The following PRKCA variants were observed in gnomAD, a reference collection of about 807,000 sequenced individuals.
PRKCA encodes protein kinase C alpha type.
In PRKCA, 27 loss-of-function variants were observed where a neutral mutation model predicts 87.0. The ratio of observed to expected loss-of-function variants is 0.31; its 90% CI spans 0.23 to 0.43. The LOEUF (loss-of-function observed/expected upper bound fraction) is 0.43, where lower values mean the gene tolerates loss of function less well. Among genes scored for constraint, PRKCA ranks in the 20% least tolerant of loss-of-function variants. The probability of loss-of-function intolerance (pLI) is 1.00; values close to 1 mark genes in which losing one functional copy is unlikely to be tolerated. For missense variants in PRKCA, 518 were observed against 852.3 expected (o/e 0.61, Z 4.88); for synonymous variants, 329 against 311.1 (o/e 1.06, Z -0.61).
At chr17:66,391,165 G>A (rs1419201270) in intron 2 of PRKCA, among the ~76,000 whole-genome samples, 2 of 152,278 alleles carry the variant, frequency 1.3e-5, no homozygotes, top group South Asian at 4.2e-4. Flanking sequence ...AGCAGCGGGT[G>A]GGAGGAGAAG....
intron 2 of PRKCA, among the ~76,000 whole-genome samples, chr17:66,423,326 A>G (rs572169725): frequency 1.3e-5 from 2 of 152,300 alleles, no homozygotes; most frequent in South Asian, 4.1e-4. Flanking sequence ...TATGCACCAT[A>G]GTGAAAAGTT....
At chr17:66,678,654 C>T (rs926478855) in intron 5 of PRKCA, among the ~76,000 whole-genome samples, 1 of 147,882 alleles carries the variant, frequency 6.8e-6, no homozygotes, top group African/African-American at 2.6e-5. Flanking sequence ...GCTAAACAGT[C>T]CTTGTTGACT....
At chr17:66,414,100 T>C (rs1911982767) in intron 2 of PRKCA, among the ~76,000 whole-genome samples, 1 of 152,098 alleles carries the variant, frequency 6.6e-6, no homozygotes, top group African/African-American at 2.4e-5. Flanking sequence ...TATAAGGGTT[T>C]CAGGAGCTCT....
At chr17:66,447,981 G>A (rs767776373) in intron 2 of PRKCA, among the ~76,000 whole-genome samples, 39 of 152,212 alleles carry the variant, frequency 2.6e-4, no homozygotes, top group South Asian at 6.2e-4. Context: ...TGCTTCTGTC[G>A]GGCAGTGGGT....
chr17:66,759,868 C>A (rs1974642548), intron 13 of PRKCA, among the ~76,000 whole-genome samples: 1 of 152,100 alleles, frequency 6.6e-6, no homozygotes, highest in African/African-American at 2.4e-5. Flanking sequence ...GTCAAGTCTC[C>A]AAGAAAACAT....
intron 14 of PRKCA, among the ~76,000 whole-genome samples, chr17:66,786,036 G>A (rs900250669): frequency 6.6e-6 from 1 of 152,132 alleles, no homozygotes. Context: ...CACCATGTTA[G>A]CCAGGATGGT....
At chr17:66,675,207 A>G (rs1972293946) in intron 5 of PRKCA, among the ~76,000 whole-genome samples, 1 of 152,174 alleles carries the variant, frequency 6.6e-6, no homozygotes, top group Non-Finnish European at 1.5e-5. Context: ...GAGAGGGCCC[A>G]TTTGCCGACA....
chr17:66,590,280 A>G (rs977983270), intron 3 of PRKCA, among the ~76,000 whole-genome samples: 26 of 152,172 alleles, frequency 1.7e-4, no homozygotes, highest in Non-Finnish European at 3.1e-4. Context: ...TCTGAATGAT[A>G]TAACATGATT....
intron 8 of PRKCA, among the ~76,000 whole-genome samples, chr17:66,728,565 T>C (rs1002583407): frequency 2.0e-5 from 3 of 152,218 alleles, no homozygotes; most frequent in African/African-American, 7.2e-5. Flanking sequence ...CAGAAGTACT[T>C]GAATGTAAAA....
intron 2 of PRKCA, among the ~76,000 whole-genome samples, chr17:66,340,864 C>T (rs767174528): frequency 2.2e-4 from 34 of 152,090 alleles, no homozygotes; most frequent in Non-Finnish European, 4.4e-4. Flanking sequence ...CAGTTGAAGT[C>T]CTGTGGGCCC....
intron 3 of PRKCA, among the ~76,000 whole-genome samples, chr17:66,639,863 C>T (rs889066910): frequency 2.0e-5 from 3 of 152,006 alleles, no homozygotes; most frequent in African/African-American, 7.2e-5. Flanking sequence ...GGTGTGGTGG[C>T]AGGCACTTGT....
intron 14 of PRKCA, among the ~76,000 whole-genome samples, chr17:66,784,355 C>T (rs1046785689): frequency 2.0e-5 from 3 of 152,234 alleles, no homozygotes; most frequent in South Asian, 2.1e-4. Flanking sequence ...AAGTGATTCT[C>T]GTGCCTCAGC....
At chr17:66,746,306 C>G (rs1478582214) in intron 13 of PRKCA, among the ~76,000 whole-genome samples, 2 of 151,848 alleles carry the variant, frequency 1.3e-5, no homozygotes, top group Non-Finnish European at 2.9e-5. Context: ...TGTGTGCCAC[C>G]ACCTGTGCCT....
At chr17:66,781,351 CCAGCCTTTGCTG>C (rs1377664470) in intron 14 of PRKCA, among the ~76,000 whole-genome samples, 2 of 152,154 alleles carry the variant, frequency 1.3e-5, no homozygotes, top group African/African-American at 4.8e-5. Context: ...AGCTGCTGCT[CCAGCCTTTGCTG>C]CAGCAAGACT....
intron 4 of PRKCA, among the ~76,000 whole-genome samples, chr17:66,642,364 C>T (rs1477411047): frequency 1.3e-5 from 2 of 152,024 alleles, no homozygotes; most frequent in African/African-American, 4.8e-5. Context: ...CTCCTGACCT[C>T]GTGATCCGCC....
chr17:66,713,655 C>T (rs900803382), intron 8 of PRKCA, among the ~76,000 whole-genome samples: 1 of 152,226 alleles, frequency 6.6e-6, no homozygotes, highest in Non-Finnish European at 1.5e-5. Context: ...TGGAAATTCA[C>T]CCTGACCCAG....
intron 2 of PRKCA, among the ~76,000 whole-genome samples, chr17:66,481,960 G>A (rs1162516262): frequency 6.6e-6 from 1 of 151,890 alleles, no homozygotes; most frequent in African/African-American, 2.4e-5. Context: ...AATTAGCTGG[G>A]TGCGGTGGTG....
At chr17:66,398,543 T>C (rs974943768) in intron 2 of PRKCA, among the ~76,000 whole-genome samples, 3 of 152,124 alleles carry the variant, frequency 2.0e-5, no homozygotes, top group Non-Finnish European at 4.4e-5. Flanking sequence ...GAGAGTAAGA[T>C]TGGGGAAGGA....
chr17:66,688,360 C>G lies in PRKCA; in HGVS notation c.745C>G (p.Arg249Gly). 1 of 1,614,152 alleles carries G rather than the reference C, an allele frequency of 6.2e-7. No individual in the cohort carries two copies. The highest frequency in any genetic ancestry group is 8.5e-7 in the Non-Finnish European group (1 of 1,180,022). The part of the protein sequence containing the change: ...RLSVEIWDWD[R>G]TTRNDFMGSL... ...GTCTGTAGAAATCTGGGACTGGGAT[C>G]GAACAACAAGGAATGACTTCATGGG... Residue 249 changes from arginine (R) to glycine (G), a missense_variant, in exon 7 of 17, where the codon CGA (arginine) becomes GGA (glycine). Arg to Gly is a moderately radical substitution (Grantham distance 125). This residue lies in a region of PRKCA where 300 missense variants were observed against 496.8 expected (regional missense o/e 0.60). Coordinates refer to ENST00000413366, the MANE Select transcript of PRKCA (RefSeq NM_002737.3).
Sources: gnomAD v4.1 joint callset for allele counts (sites outside exome capture counted in the v4.1 genomes callset) on GRCh38, gnomAD v4.1.1 for gene constraint, gnomAD v4.1.1 regional missense constraint, MANE v1.5 for transcripts, NCBI Gene and HGNC (gene_info 2026-07-23, HGNC 2026-07-21) for gene names.